PRH1: variants seen among roughly 807,000 people sequenced by gnomAD.
PRH1 encodes the protein salivary acidic proline-rich phosphoprotein 1/2.
A neutral mutation model predicts 7.9 loss-of-function variants in PRH1; 7 were observed. The observed-to-expected ratio is 0.89, with a 90% CI of 0.50 to 1.67. The LOEUF is 1.67. Ranked by LOEUF, PRH1 falls within the 40% of genes most tolerant of loss-of-function variation. PRH1 has a pLI of 0.00. For missense variants in PRH1, 109 were observed against 223.6 expected (o/e 0.49, Z 3.27); for synonymous variants, 45 against 80.8 (o/e 0.56, Z 2.38).
intron 2 of PRH1, among the ~76,000 whole-genome samples, chr12:10,900,820 G>A (rs1290739098): frequency 6.6e-6 from 1 of 152,116 alleles, no homozygotes; most frequent in East Asian, 1.9e-4. Context: ...TCCTAGAATA[G>A]GGAGGCCCTC....
intron 1 of PRH1, among the ~76,000 whole-genome samples, chr12:11,040,108 T>C (rs1001337859): frequency 3.3e-5 from 5 of 152,206 alleles, no homozygotes; most frequent in African/African-American, 1.2e-4. Flanking sequence ...GAAAAACACA[T>C]GTTTCTCACT....
intron 2 of PRH1, among the ~76,000 whole-genome samples, chr12:10,909,778 T>G (rs150203410): frequency 5.3e-5 from 8 of 152,326 alleles, no homozygotes; most frequent in Middle Eastern, 3.4e-3. Flanking sequence ...GCATAGCCAA[T>G]GAAGCTTTAT....
chr12:11,042,228 G>T (rs1343770566), intron 1 of PRH1, among the ~76,000 whole-genome samples: 1 of 151,632 alleles, frequency 6.6e-6, no homozygotes, highest in African/African-American at 2.4e-5. Context: ...AAACGTTTAG[G>T]CAGACTAAGA....
intron 1 of PRH1, among the ~76,000 whole-genome samples, chr12:11,069,377 C>T (rs1372124119): frequency 2.0e-5 from 3 of 151,888 alleles, no homozygotes; most frequent in Non-Finnish European, 4.4e-5. Flanking sequence ...AAGGAGAATA[C>T]ATGAGATCAC....
intron 1 of PRH1, among the ~76,000 whole-genome samples, chr12:11,124,655 A>C (rs1009266759): frequency 6.6e-5 from 10 of 152,244 alleles, no homozygotes; most frequent in Non-Finnish European, 1.0e-4. Context: ...AACGTTGTCC[A>C]AATTATGTAT....
At chr12:10,990,323 A>T (rs1365134679) in intron 1 of PRH1, among the ~76,000 whole-genome samples, 1 of 152,190 alleles carries the variant, frequency 6.6e-6, no homozygotes, top group Non-Finnish European at 1.5e-5. Context: ...CAAATCAAGG[A>T]GGCCTCAATG....
intron 1 of PRH1, among the ~76,000 whole-genome samples, chr12:11,153,630 T>C (rs770970469): frequency 5.3e-5 from 8 of 152,160 alleles, no homozygotes; most frequent in Non-Finnish European, 1.2e-4. Flanking sequence ...CTTGAGCTGT[T>C]TGGCTTACAG....
chr12:10,965,155 C>G (rs1938441504), intron 2 of PRH1: 2 of 1,453,222 alleles, frequency 1.4e-6, no homozygotes. Context: ...CAGTTGCATA[C>G]CAATGTAATA....
intron 1 of PRH1, among the ~76,000 whole-genome samples, chr12:11,076,447 T>G (rs1183984169): frequency 2.0e-5 from 2 of 102,204 alleles, no homozygotes; most frequent in South Asian, 2.6e-4. Flanking sequence ...TAGAGAATAT[T>G]TGAGTTTTTT....
intron 2 of PRH1, among the ~76,000 whole-genome samples, chr12:10,961,961 T>G (rs1423161022): frequency 6.6e-6 from 1 of 152,178 alleles, no homozygotes; most frequent in Non-Finnish European, 1.5e-5. Context: ...CACAACACAT[T>G]GTTACAATAC....
At chr12:10,903,005 A>G (rs1187762159) in intron 2 of PRH1, among the ~76,000 whole-genome samples, 2 of 152,160 alleles carry the variant, frequency 1.3e-5, no homozygotes, top group African/African-American at 4.8e-5. Context: ...AACCTCACAT[A>G]GCAATATTAG....
intron 1 of PRH1, among the ~76,000 whole-genome samples, chr12:11,028,702 T>C (rs766874002): frequency 8.5e-5 from 13 of 152,264 alleles, no homozygotes; most frequent in Admixed American, 2.6e-4. Context: ...AAGTTGTTTA[T>C]ATGATTTTTC....
chr12:10,932,371 A>T, intron 2 of PRH1: 1 of 257,950 alleles, frequency 3.9e-6, no homozygotes, highest in Non-Finnish European at 8.7e-6. Context: ...GGAATCTGAG[A>T]CCCATGTTCA....
At chr12:11,084,294 G>A (rs1304778771) in intron 1 of PRH1, among the ~76,000 whole-genome samples, 4 of 136,308 alleles carry the variant, frequency 2.9e-5, no homozygotes, top group South Asian at 4.5e-4. Context: ...TGTCTACTCT[G>A]AGCACTTGCT....
At chr12:10,906,389 T>C (rs1295869280) in intron 2 of PRH1, among the ~76,000 whole-genome samples, 3 of 152,278 alleles carry the variant, frequency 2.0e-5, no homozygotes, top group Non-Finnish European at 4.4e-5. Flanking sequence ...AAGTTTTTAA[T>C]GTCCTCTCTT....
chr12:11,014,712 C>A (rs893256575), intron 1 of PRH1, among the ~76,000 whole-genome samples: 4 of 148,174 alleles, frequency 2.7e-5, no homozygotes, highest in Non-Finnish European at 4.5e-5. Context: ...AAATTCACCA[C>A]AAGAATATTC....
chr12:10,998,871 C>A (rs867046146), intron 1 of PRH1, among the ~76,000 whole-genome samples: 5 of 152,098 alleles, frequency 3.3e-5, no homozygotes. Flanking sequence ...AATTACTACA[C>A]TTTACATCGA....
At chr12:10,891,866 T>C (rs924655611) in intron 2 of PRH1, 1 of 152,180 alleles carries the variant, frequency 6.6e-6, no homozygotes, top group Non-Finnish European at 1.5e-5. Flanking sequence ...TCACTGTGAG[T>C]AACCTGTCCA....
At chr12:11,022,375 CAAAGG>C in intron 1 of PRH1, 2 of 1,614,034 alleles carry the variant, frequency 1.2e-6, no homozygotes, top group Non-Finnish European at 1.7e-6. Flanking sequence ...AGTTGCATAC[CAAAGG>C]AATAACATGA....
Sources: allele counts gnomAD v4.1 joint callset (sites outside exome capture counted in the v4.1 genomes callset), GRCh38; gene constraint gnomAD v4.1.1; transcripts MANE v1.5; gene names NCBI Gene and HGNC (gene_info 2026-07-23, HGNC 2026-07-21).